The following USF3 variants were observed in gnomAD, a reference collection of about 807,000 sequenced individuals.
USF3 encodes the protein basic helix-loop-helix domain-containing protein USF3.
In USF3, 29 loss-of-function variants were observed where a neutral mutation model predicts 157.5. The observed-to-expected ratio is 0.18, with a 90% CI of 0.14 to 0.25. The LOEUF (loss-of-function observed/expected upper bound fraction) is 0.25, where lower values mean the gene tolerates loss of function less well. Ranked by LOEUF, USF3 falls within the 10% of genes least tolerant of loss-of-function variation. The probability of loss-of-function intolerance (pLI) is 1.00; values close to 1 mark genes in which losing one functional copy is unlikely to be tolerated. For synonymous variants in USF3, 893 were observed against 941.4 expected (o/e 0.95, Z 0.94); for missense variants, 2,381 against 2,667.6 (o/e 0.89, Z 2.37).
rs1560171492 is a variant in USF3, at chr3:113,655,555, C to T, written c.6127G>A (p.Asp2043Asn). The T allele has an allele frequency of 3.1e-6, 5 of 1,614,164 alleles. No homozygotes were observed. The highest frequency in any genetic ancestry group is 4.2e-6 in the Non-Finnish European group (5 of 1,180,026). The change falls in exon 7 of 7, where the codon GAT becomes AAT. Residue 2043 changes from aspartate (D) to asparagine (N), a missense_variant. Asp to Asn is a conservative substitution (Grantham distance 23). Coordinates refer to ENST00000316407, the MANE Select transcript of USF3 (RefSeq NM_001009899.4). ...KRGSIVRFMP[D>N]SPQVPNDNSG... ...TTATCATTAGGTACTTGTGGGCTAT[C>T]AGGCATGAAACGAACAATACTTCCT...
Position 113,661,300 on chromosome 3 carries a change from T to G in USF3, c.382A>C (p.Asn128His). ...ACAGAGACCTTTGAGTTTTTAAGATTTCCTTTCCAGTGAATTGTCGGGTCA... is the reference window on the plus strand; with the variant it reads ...ACAGAGACCTTTGAGTTTTTAAGATGTCCTTTCCAGTGAATTGTCGGGTCA... ...YDDPTIHWKG[N>H]LKNSKVSVVI... The change falls in exon 7 of 7, where the codon AAT becomes CAT. Residue 128 changes from asparagine to histidine, a missense_variant. Coordinates refer to ENST00000316407, the MANE Select transcript of USF3 (RefSeq NM_001009899.4). 6.2e-7 allele frequency: 1 copy of G among 1,614,168 alleles called. No individual in the cohort carries two copies. Among genetic ancestry groups the G allele is most frequent in the Middle Eastern group, 1.6e-4 (1 of 6,062 alleles).
intron 2 of USF3, among the ~76,000 whole-genome samples, chr3:113,675,103 T>C (rs1006071167): frequency 3.9e-5 from 6 of 152,142 alleles, no homozygotes; most frequent in Admixed American, 3.3e-4. Context: ...ATGGTGAATA[T>C]CAAATGTGAG....
intron 1 of USF3, among the ~76,000 whole-genome samples, chr3:113,695,684 CGAG>C (rs1707782169): frequency 6.6e-6 from 1 of 152,076 alleles, no homozygotes; most frequent in Non-Finnish European, 1.5e-5. Context: ...CCCAATGTAA[CGAG>C]GAGGGTTGGG....
At chr3:113,691,356 T>C (rs1478374270) in intron 1 of USF3, among the ~76,000 whole-genome samples, 1 of 152,164 alleles carries the variant, frequency 6.6e-6, no homozygotes, top group Non-Finnish European at 1.5e-5. Context: ...CACTTCTTAT[T>C]CACTCTTCAA....
rs1947415036 is a variant in USF3, at chr3:113,658,643, T to C, written c.3039A>G (p.Lys1013=). The C allele has an allele frequency of 1.9e-6, 3 of 1,614,062 alleles. No individual in the cohort carries two copies. The highest frequency in any genetic ancestry group is 2.5e-6 in the Non-Finnish European group (3 of 1,180,004). ...GAGATGATTTCTGAGGGTTTTTTTTTTTAGCAAGATCAGATAGCAATGTAG... is the reference window on the plus strand; with the variant it reads ...GAGATGATTTCTGAGGGTTTTTTTTCTTAGCAAGATCAGATAGCAATGTAG... ...GLTTLLSDLA[K]KKNPQKSSLS... is the part of the protein sequence containing the mutation. Residue 1013 remains lysine, a synonymous_variant, in exon 7 of 7, where the codon AAA becomes AAG. Coordinates refer to ENST00000316407, the MANE Select transcript of USF3 (RefSeq NM_001009899.4).
intron 1 of USF3, among the ~76,000 whole-genome samples, chr3:113,680,522 A>G (rs2107950910): frequency 6.6e-6 from 1 of 152,236 alleles, no homozygotes; most frequent in South Asian, 2.1e-4. Flanking sequence ...TCAAAAAACA[A>G]ACTTTTTGGC....
At position 113,661,085 on chromosome 3, in the gene USF3, A is replaced by G; in HGVS notation, c.597T>C (p.Ser199=). The change falls in exon 7 of 7, where the codon TCT becomes TCC. Residue 199 remains serine, a synonymous_variant. Coordinates refer to ENST00000316407, the MANE Select transcript of USF3 (RefSeq NM_001009899.4). The stretch of plus-strand genomic sequence containing the variant: ...GCTTGTTTTCAGAAGGGTAAACTCC[A>G]GAAATAGATACAGGAGTCACAAGAT... The part of the protein sequence containing the change: ...TCNLVTPVSI[S]GVYPSENKPW... 6.2e-7 allele frequency: 1 copy of G among 1,614,200 alleles called. No homozygotes were observed. Among genetic ancestry groups the G allele is most frequent in the Non-Finnish European group, 8.5e-7 (1 of 1,179,998 alleles).
At position 113,671,701 on chromosome 3, in the gene USF3, C is replaced by T. The variant is rs139087058; in HGVS notation, c.77-1498G>A. On this transcript the variant is annotated intron_variant, in intron 4 of 6. Coordinates refer to ENST00000316407, the MANE Select transcript of USF3 (RefSeq NM_001009899.4). ...TTTTGCAAAATATATATATTTTTTG[C>T]TTTATGATCTAGCAGTAAGAGCATC... is the stretch of plus-strand genomic sequence containing the variant. 2.1e-3 allele frequency among the ~76,000 whole-genome samples: 314 copies of T among 149,406 alleles called. 3 individuals are homozygous for T. The highest frequency in any genetic ancestry group is 7.4e-3 in the African/African-American group (301 of 40,614).
chr3:113,664,003 C>A (rs1192677947), intron 6 of USF3, among the ~76,000 whole-genome samples: 2 of 152,184 alleles, frequency 1.3e-5, no homozygotes, highest in African/African-American at 4.8e-5. Context: ...ATTGCCCTAA[C>A]TGCAATGTCC....
chr3:113,682,731 G>C (rs1378146068), intron 1 of USF3, among the ~76,000 whole-genome samples: 1 of 151,858 alleles, frequency 6.6e-6, no homozygotes, highest in Non-Finnish European at 1.5e-5. Context: ...TTTTTTCATA[G>C]TTTTTGTCTT....
intron 4 of USF3, among the ~76,000 whole-genome samples, chr3:113,672,442 T>C (rs1212193960): frequency 1.3e-5 from 2 of 152,104 alleles, no homozygotes; most frequent in South Asian, 2.1e-4. Context: ...CACATATCTA[T>C]GGCACCATGT....
intron 1 of USF3, among the ~76,000 whole-genome samples, chr3:113,685,772 G>A (rs1707533004): frequency 6.6e-6 from 1 of 152,118 alleles, no homozygotes. Flanking sequence ...TCTGCTAGGA[G>A]TGTACCCTTC....
At chr3:113,694,733 CATA>C (rs1200715951) in intron 1 of USF3, among the ~76,000 whole-genome samples, 1 of 152,220 alleles carries the variant, frequency 6.6e-6, no homozygotes, top group East Asian at 1.9e-4. Context: ...ACAAACATCT[CATA>C]ATGTTTTAAA....
At chr3:113,692,981 T>C (rs1707718110) in intron 1 of USF3, among the ~76,000 whole-genome samples, 1 of 152,180 alleles carries the variant, frequency 6.6e-6, no homozygotes, top group South Asian at 2.1e-4. Context: ...GATTACATAT[T>C]TAAGGGGTCT....
intron 2 of USF3, among the ~76,000 whole-genome samples, chr3:113,675,738 T>C (rs1189566371): frequency 1.3e-5 from 2 of 152,186 alleles, no homozygotes; most frequent in Admixed American, 1.3e-4. Flanking sequence ...GGGTAATTTT[T>C]AAAGGAAAGA....
At chr3:113,676,456 G>T (rs560501890) in intron 2 of USF3, among the ~76,000 whole-genome samples, 2 of 152,292 alleles carry the variant, frequency 1.3e-5, no homozygotes, top group South Asian at 4.1e-4. Flanking sequence ...GGTGAGCAAA[G>T]TGAGGAAAGC....
At chr3:113,673,846 AC>A (rs1173831845) in intron 3 of USF3, among the ~76,000 whole-genome samples, 1 of 152,154 alleles carries the variant, frequency 6.6e-6, no homozygotes, top group Non-Finnish European at 1.5e-5. Context: ...AGCCAACAGC[AC>A]CCGTGTACAG....
Position 113,660,405 on chromosome 3 carries a change from G to C in USF3, c.1277C>G (p.Ala426Gly), listed in dbSNP as rs1290896826. 6.2e-7 allele frequency: 1 copy of C among 1,614,146 alleles called. No homozygotes were observed. The highest frequency in any genetic ancestry group is 1.1e-5 in the South Asian group (1 of 91,082). ...NINSLTRISS[A>G]GNTQTTWTTL... ...AGTCCACGTTGTCTGTGTGTTTCCA[G>C]CTGAAGAGATTCGTGTAAGGCTATT... The change falls in exon 7 of 7, where the codon GCT (alanine) becomes GGT (glycine). Residue 426 changes from alanine (A) to glycine (G), a missense_variant. Ala to Gly is a moderately conservative substitution (Grantham distance 60). Coordinates refer to ENST00000316407, the MANE Select transcript of USF3 (RefSeq NM_001009899.4).
In USF3 at chr3:113,652,540, C is replaced by T. The variant is rs1947282340; in HGVS notation, c.*2404G>A. Reference sequence around the variant, plus strand: ...TGCTTAGTTGGCAGCAGAAAAGAGACAGGACAGTTTGGTAAGAACAGTTAA... The same window carrying T: ...TGCTTAGTTGGCAGCAGAAAAGAGATAGGACAGTTTGGTAAGAACAGTTAA... On this transcript the variant is annotated 3_prime_UTR_variant, in exon 7 of 7. Transcript: ENST00000316407. The T allele has an allele frequency of 1.3e-5, 2 of 151,508 alleles. No individual in the cohort carries two copies. Among genetic ancestry groups the T allele is most frequent in the African/African-American group, 4.9e-5 (2 of 41,168 alleles). 9.4% of individuals were successfully genotyped at this position (151,508 alleles called of 1,614,324 possible).
Sources: gnomAD v4.1 joint callset for allele counts (sites outside exome capture counted in the v4.1 genomes callset) on GRCh38, gnomAD v4.1.1 for gene constraint, MANE v1.5 for transcripts, NCBI Gene and HGNC (gene_info 2026-07-23, HGNC 2026-07-21) for gene names.